TRIP4: variants seen among roughly 807,000 people sequenced by gnomAD.
The protein encoded by TRIP4 is activating signal cointegrator 1.
In TRIP4, 54 loss-of-function variants were observed where a neutral mutation model predicts 81.8. The ratio of observed to expected loss-of-function variants is 0.66; its 90% CI spans 0.53 to 0.83. The LOEUF (loss-of-function observed/expected upper bound fraction) is 0.83. TRIP4 is among the 40% of genes least tolerant of loss of function. The pLI is 0.00. For synonymous variants in TRIP4, 270 were observed against 242.8 expected, an observed-to-expected ratio of 1.11 and a Z score of -1.04; for missense variants, 662 against 683.6, an observed-to-expected ratio of 0.97 and a Z score of 0.35.
intron 1 of TRIP4, among the ~76,000 whole-genome samples, chr15:64,388,551 C>T (rs991348554): frequency 1.3e-5 from 2 of 152,074 alleles, no homozygotes; most frequent in African/African-American, 2.4e-5. Flanking sequence ...TCAAGTGATC[C>T]GCCCGCCTCG....
chr15:64,442,655 C>G (rs1333399505), intron 11 of TRIP4, among the ~76,000 whole-genome samples: 56 of 151,080 alleles, frequency 3.7e-4, no homozygotes, highest in Non-Finnish European at 2.2e-4. Flanking sequence ...TCAAGTTCTA[C>G]TACAGATAGA....
chr15:64,388,538 ATCT>A (rs1900022141), intron 1 of TRIP4, among the ~76,000 whole-genome samples: 1 of 152,008 alleles, frequency 6.6e-6, no homozygotes, highest in South Asian at 2.1e-4. Context: ...CCAGCTCCTG[ATCT>A]CAAGTGATCC....
Position 64,414,153 on chromosome 15 carries a change from C to T in TRIP4, c.1112C>T (p.Ser371Phe). Reference protein sequence around the residue: ...LNQPLTKLDRSSEEPLGVLVN... With the variant: ...LNQPLTKLDRFSEEPLGVLVN... Reference sequence around the variant, plus strand: ...CAGCCACTGACCAAATTGGATAGATCTTCTGAAGAGCCTTTGGGAGTTCTG... The same window carrying T: ...CAGCCACTGACCAAATTGGATAGATTTTCTGAAGAGCCTTTGGGAGTTCTG... The change falls in exon 8 of 13, where the codon TCT becomes TTT. Residue 371 changes from serine to phenylalanine, a missense_variant. By Grantham distance (155) the Ser-to-Phe change is radical. Coordinates refer to ENST00000261884, the MANE Select transcript of TRIP4 (RefSeq NM_016213.5). The T allele has an allele frequency of 6.2e-7, 1 of 1,614,128 alleles. No homozygotes were observed. Among genetic ancestry groups the T allele is most frequent in the South Asian group, 1.1e-5 (1 of 91,088 alleles).
intron 9 of TRIP4, among the ~76,000 whole-genome samples, chr15:64,421,674 C>T (rs991549761): frequency 5.3e-5 from 8 of 152,030 alleles, no homozygotes; most frequent in South Asian, 2.1e-4. Context: ...TATTTACATA[C>T]GCAAATAGTT....
chr15:64,393,808 A>C, intron 1 of TRIP4, 138 bp from the exon 2 acceptor site: 1 of 702,064 alleles, frequency 1.4e-6, no homozygotes, highest in East Asian at 3.2e-5. Flanking sequence ...TATTTCTAGC[A>C]CCTAGCATAG....
chr15:64,395,464 A>G lies in TRIP4; in HGVS notation c.338A>G (p.Gln113Arg). 1 of 1,614,014 alleles carries G rather than the reference A, an allele frequency of 6.2e-7. No homozygotes were observed. The highest frequency in any genetic ancestry group is 8.5e-7 in the Non-Finnish European group (1 of 1,179,972). ...KRGRKKGRNR[Q>R]EVPAFTEPDT... Reference sequence around the variant, plus strand: ...GGTAGGAAGAAAGGGAGAAACAGACAGGAAGTTCCTGCATTTACTGAACCT... The same window carrying G: ...GGTAGGAAGAAAGGGAGAAACAGACGGGAAGTTCCTGCATTTACTGAACCT... The change falls in exon 3 of 13, where the codon CAG (glutamine) becomes CGG (arginine). Residue 113 changes from glutamine (Q) to arginine (R), a missense_variant. Physicochemically the swap from Gln to Arg is conservative, Grantham distance 43 (BLOSUM62 1). Coordinates refer to ENST00000261884, the MANE Select transcript of TRIP4 (RefSeq NM_016213.5).
chr15:64,428,911 C>A (rs1310725240), intron 11 of TRIP4, among the ~76,000 whole-genome samples: 1 of 152,046 alleles, frequency 6.6e-6, no homozygotes, highest in Non-Finnish European at 1.5e-5. Context: ...TGTGCCTGGC[C>A]TCCACTGTTT....
chr15:64,395,769 T>G (rs1900273934), intron 3 of TRIP4, among the ~76,000 whole-genome samples: 1 of 150,374 alleles, frequency 6.7e-6, no homozygotes. Context: ...CAAGACAGAG[T>G]CTTGCTCTGT....
chr15:64,396,084 A>G (rs963657811), intron 3 of TRIP4, among the ~76,000 whole-genome samples: 8 of 150,464 alleles, frequency 5.3e-5, no homozygotes, highest in African/African-American at 1.2e-4. Flanking sequence ...AATTTTTCGT[A>G]TTTTAGTAGA....
At chr15:64,426,810 C>G (rs1892158407) in intron 11 of TRIP4, among the ~76,000 whole-genome samples, 1 of 151,574 alleles carries the variant, frequency 6.6e-6, no homozygotes, top group African/African-American at 2.4e-5. Flanking sequence ...ACTATCCTGG[C>G]TAACACGGTC....
rs568820108 is a variant in TRIP4, at chr15:64,390,279, T to A, written c.101+2315T>A. ...GAATTTCAGACCAGCCTGGCCAACATGGCGAAACCCCCACTCTACTAAAAA... is the reference window on the plus strand; with the variant it reads ...GAATTTCAGACCAGCCTGGCCAACAAGGCGAAACCCCCACTCTACTAAAAA... On this transcript the variant is annotated intron_variant, in intron 1 of 12. Coordinates refer to ENST00000261884, the MANE Select transcript of TRIP4 (RefSeq NM_016213.5). Among the ~76,000 whole-genome samples, 6 of 151,106 alleles carry A rather than the reference T, an allele frequency of 4.0e-5. No individual in the cohort carries two copies. The South Asian group carries it at 1.0e-3, about 26-fold the overall frequency.
At chr15:64,447,702 C>A (rs1245645034) in intron 12 of TRIP4, among the ~76,000 whole-genome samples, 1 of 152,152 alleles carries the variant, frequency 6.6e-6, no homozygotes, top group African/African-American at 2.4e-5. Flanking sequence ...CCTTTCTTTT[C>A]TCCACTATTA....
chr15:64,392,866 C>T (rs1652739794), intron 1 of TRIP4, among the ~76,000 whole-genome samples: 1 of 152,140 alleles, frequency 6.6e-6, no homozygotes, highest in Non-Finnish European at 1.5e-5. Context: ...CCTCCAGCTT[C>T]AGCCTCCCAA....
chr15:64,397,743 C>CA lies in TRIP4; in HGVS notation c.545dup (p.Asn182LysfsTer2). 1 of 1,614,228 alleles carries CA rather than the reference C, an allele frequency of 6.2e-7. No individual in the cohort carries two copies. The highest frequency in any genetic ancestry group is 8.5e-7 in the Non-Finnish European group (1 of 1,180,030). ...GCCTGGGCCAGAAGCACAAGCTCAT[C>CA]AATAACTGTCTGATCTGTGGGCGCA... On this transcript the variant is annotated frameshift_variant, in exon 4 of 13. Transcript: ENST00000261884. LOFTEE classifies it high-confidence loss of function.
chr15:64,443,090 G>A (rs1271598325), intron 11 of TRIP4, among the ~76,000 whole-genome samples: 1 of 152,134 alleles, frequency 6.6e-6, no homozygotes, highest in Non-Finnish European at 1.5e-5. Flanking sequence ...ATGGAATGAT[G>A]AGAGTGAAAG....
chr15:64,388,272 T>A (rs1900010850), intron 1 of TRIP4, among the ~76,000 whole-genome samples: 1 of 152,140 alleles, frequency 6.6e-6, no homozygotes, highest in African/African-American at 2.4e-5. Context: ...CAAACTGTAT[T>A]TCCTAACTTT....
intron 11 of TRIP4, among the ~76,000 whole-genome samples, chr15:64,431,435 G>T (rs1305736750): frequency 6.6e-6 from 1 of 152,168 alleles, no homozygotes; most frequent in African/African-American, 2.4e-5. Context: ...TGGGCACGGT[G>T]GCTCACGCCT....
At position 64,425,757 on chromosome 15, in the gene TRIP4, C is replaced by T. The variant is rs551850592; in HGVS notation, c.1575+126C>T. ...GGGATTATAGGCATGAGCCACCACA[C>T]CCAGCCTGGTGCATATAAATATCTG... On this transcript the variant is annotated intron_variant, in intron 11 of 12. Coordinates refer to ENST00000261884, the MANE Select transcript of TRIP4 (RefSeq NM_016213.5). The T allele has an allele frequency of 2.0e-5, 13 of 644,730 alleles. No individual in the cohort carries two copies. The South Asian group carries it at 2.5e-4, about 13-fold the overall frequency. 39.9% of individuals were successfully genotyped at this position (644,730 alleles called of 1,614,324 possible). A position where few individuals can be genotyped will look rare whatever the true frequency, so the allele number is the denominator to read the frequency against.
At chr15:64,406,503 C>G (rs748290071) in intron 6 of TRIP4, 44 bp downstream of exon 6, 62 of 1,595,330 alleles carry the variant, frequency 3.9e-5, no homozygotes, top group Non-Finnish European at 5.0e-5. Context: ...ATAAACTAGT[C>G]CACAGATTCT....
Sources: gnomAD v4.1 joint callset for allele counts (sites outside exome capture counted in the v4.1 genomes callset) on GRCh38, gnomAD v4.1.1 for gene constraint, MANE v1.5 for transcripts, NCBI Gene and HGNC (gene_info 2026-07-23, HGNC 2026-07-21) for gene names.